The following ZNF41 variants were observed in gnomAD, a reference collection of about 807,000 sequenced individuals.
The protein encoded by ZNF41 is zinc finger protein 41.
ZNF41 carries 6 observed loss-of-function variants against 9.3 expected under a neutral mutation model. The observed-to-expected ratio is 0.65, with a 90% CI of 0.35 to 1.28. The LOEUF (loss-of-function observed/expected upper bound fraction) is 1.28, where lower values mean the gene tolerates loss of function less well. ZNF41 is among the 50% of genes most tolerant of loss of function. The pLI is 0.03. For synonymous variants in ZNF41, 192 were observed against 207.1 expected (o/e 0.93, Z 0.63); for missense variants, 523 against 585.8 (o/e 0.89, Z 1.11).
intron 2 of ZNF41, among the ~76,000 whole-genome samples, chrX:47,463,081 C>G (rs2056871456): frequency 9.1e-6 from 1 of 110,358 alleles, no homozygotes; most frequent in Admixed American, 9.7e-5. Context: ...CCGCTTTGGC[C>G]TCCCAAAGTG....
chrX:47,471,339 C>T (rs778914660), intron 1 of ZNF41, among the ~76,000 whole-genome samples: 43 of 109,692 alleles, frequency 3.9e-4, no homozygotes, highest in Non-Finnish European at 6.1e-4. Flanking sequence ...ATTGTAGCTA[C>T]TCGGGAGGCT....
chrX:47,472,285 A>G (rs1178906687), intron 1 of ZNF41, among the ~76,000 whole-genome samples: 1 of 111,120 alleles, frequency 9.0e-6, no homozygotes, highest in Non-Finnish European at 1.9e-5. Flanking sequence ...TATTTATACA[A>G]GGAAATACTA....
intron 1 of ZNF41, among the ~76,000 whole-genome samples, chrX:47,470,871 G>A (rs1472375742): frequency 9.0e-6 from 1 of 111,200 alleles, no homozygotes; most frequent in Non-Finnish European, 1.9e-5. Flanking sequence ...TATGGGACTG[G>A]GCTAAAAAAC....
chrX:47,475,279 T>C (rs2057307317), intron 1 of ZNF41, among the ~76,000 whole-genome samples: 1 of 110,060 alleles, frequency 9.1e-6, no homozygotes, highest in South Asian at 3.8e-4. Context: ...TGAAGCATTA[T>C]GCACAGATGC....
intron 2 of ZNF41, among the ~76,000 whole-genome samples, chrX:47,458,758 G>A (rs1248577332): frequency 9.2e-6 from 1 of 109,261 alleles, no homozygotes; most frequent in Non-Finnish European, 1.9e-5. Flanking sequence ...GTCACCATAT[G>A]CTGCTTCGTT....
At chrX:47,479,256 G>T (rs1294466308) in intron 1 of ZNF41, among the ~76,000 whole-genome samples, 2 of 111,839 alleles carry the variant, frequency 1.8e-5, no homozygotes, top group East Asian at 5.6e-4. Context: ...ATCATAGCTA[G>T]TAAGTGCCAA....
At position 47,464,519 on chromosome X, in the gene ZNF41, C is replaced by A. The variant is rs774952666; in HGVS notation, c.72+2891G>T. On this transcript the variant is annotated intron_variant, in intron 2 of 4. Coordinates refer to ENST00000684689, the MANE Select transcript of ZNF41 (RefSeq NM_001324144.2). The stretch of plus-strand genomic sequence containing the variant: ...CGCTCCCTGATGTTTAATGAAAAAA[C>A]CAAGAACCTAACCAATAAATAAGTC... Among the ~76,000 whole-genome samples, 15 of 111,927 alleles carry A rather than the reference C, an allele frequency of 1.3e-4. No homozygotes were observed. The South Asian group carries it at 5.3e-3, about 39-fold the overall frequency.
rs1010548133 is a variant in ZNF41, at chrX:47,467,619, A to C, written c.-138T>G. ...GCAGGGGTCAGAAGGAAGATCCTGCAGTTTCCACTAAGAAGCCTGGCCCCC... is the reference window on the plus strand; with the variant it reads ...GCAGGGGTCAGAAGGAAGATCCTGCCGTTTCCACTAAGAAGCCTGGCCCCC... On this transcript the variant is annotated 5_prime_UTR_variant, in exon 2 of 5. Transcript: ENST00000684689. 4.2e-6 allele frequency: 3 copies of C among 717,254 alleles called. No homozygotes were observed. The African/African-American group carries it at 6.4e-5, about 15-fold the overall frequency. The allele number at this position is 717,254 out of a possible 1,213,427, so 59.1% of individuals were successfully genotyped here. A position where few individuals can be genotyped will look rare whatever the true frequency, so the allele number is the denominator to read the frequency against.
chrX:47,461,065 C>T (rs916668644), intron 2 of ZNF41, among the ~76,000 whole-genome samples: 19 of 108,817 alleles, frequency 1.7e-4, no homozygotes, highest in Admixed American at 5.0e-4. Context: ...CAACTGTCTT[C>T]GTAAAAAAAA....
intron 1 of ZNF41, among the ~76,000 whole-genome samples, chrX:47,477,380 G>A (rs1377434505): frequency 9.2e-6 from 1 of 109,089 alleles, no homozygotes; most frequent in Non-Finnish European, 1.9e-5. Flanking sequence ...CTGACCTCAG[G>A]TGATCCACCC....
intron 2 of ZNF41, among the ~76,000 whole-genome samples, chrX:47,457,572 C>T (rs5906399): frequency 0.32 from 35,430 of 110,864 alleles, 4,546 homozygotes; most frequent in East Asian, 0.56. Flanking sequence ...GGCGCAGTGG[C>T]TCATGCCTGT....
At chrX:47,466,622 CT>C (rs1337632809) in intron 2 of ZNF41, among the ~76,000 whole-genome samples, 113 of 110,921 alleles carry the variant, frequency 1.0e-3, no homozygotes, top group African/African-American at 3.3e-3. Flanking sequence ...TCAAGCCATT[CT>C]CCTCCTGCCT....
At chrX:47,451,357 T>A (rs1350382071) in intron 4 of ZNF41, among the ~76,000 whole-genome samples, 5 of 112,563 alleles carry the variant, frequency 4.4e-5, no homozygotes. Context: ...TATCAATGTT[T>A]TGCCTCTCAG....
chrX:47,460,111 T>C (rs934366615), intron 2 of ZNF41, among the ~76,000 whole-genome samples: 1 of 110,587 alleles, frequency 9.0e-6, no homozygotes. Flanking sequence ...AGCACACATA[T>C]AAAAATTAGC....
At chrX:47,472,815 T>C (rs112989101) in intron 1 of ZNF41, among the ~76,000 whole-genome samples, 30,252 of 108,062 alleles carry the variant, frequency 0.28, 3,292 homozygotes, top group South Asian at 0.41. Flanking sequence ...ATCTGCCTCC[T>C]GAGTTCAAGC....
At chrX:47,481,319 C>T (rs1455674392) in intron 1 of ZNF41, among the ~76,000 whole-genome samples, 1 of 110,923 alleles carries the variant, frequency 9.0e-6, no homozygotes, top group Non-Finnish European at 1.9e-5. Flanking sequence ...TGCCTGTAGT[C>T]CTAGCAACTT....
intron 1 of ZNF41, among the ~76,000 whole-genome samples, chrX:47,469,038 G>A (rs760615255): frequency 5.1e-4 from 57 of 111,009 alleles, no homozygotes; most frequent in African/African-American, 1.8e-3. Flanking sequence ...TTAGCCGGGC[G>A]CGGTGGCTCA....
chrX:47,456,300 T>TAGTGTCACA lies in ZNF41; in HGVS notation c.162_170dup (p.Val55_Leu57dup). ...CTGAGAGCAGGTGGCTGTAGTTCTC[T>TAGTGTCACA]AGTGTCACATCCCAGTACAGGCGTC... On this transcript the variant is annotated inframe_insertion, in exon 3 of 5. Transcript: ENST00000684689. 1 of 1,210,924 alleles carries TAGTGTCACA rather than the reference T, an allele frequency of 8.3e-7. No individual in the cohort carries two copies. The highest frequency in any genetic ancestry group is 1.1e-6 in the Non-Finnish European group (1 of 895,326).
chrX:47,450,174 C>T (rs1298304269), intron 4 of ZNF41, among the ~76,000 whole-genome samples: 1 of 111,397 alleles, frequency 9.0e-6, no homozygotes, highest in Admixed American at 9.6e-5. Flanking sequence ...TAGACATTTG[C>T]ACTCCAACTT....
Sources: allele counts gnomAD v4.1 joint callset (sites outside exome capture counted in the v4.1 genomes callset), GRCh38; gene constraint gnomAD v4.1.1; transcripts MANE v1.5; gene names NCBI Gene and HGNC (gene_info 2026-07-23, HGNC 2026-07-21).